Variants in BEND4 observed in about 807,000 individuals in gnomAD.
The protein encoded by BEND4 is BEN domain containing 4.
A neutral mutation model predicts 54.7 loss-of-function variants in BEND4; 27 were observed. The observed-to-expected ratio is 0.49, with a 90% CI of 0.36 to 0.68. BEND4 has a LOEUF of 0.68. Ranked by LOEUF, BEND4 falls within the 30% of genes least tolerant of loss-of-function variation. The pLI, the probability that BEND4 is intolerant of heterozygous loss-of-function variation, is 0.00. For synonymous variants in BEND4, 327 were observed against 299.5 expected, an observed-to-expected ratio of 1.09 and a Z score of -0.95; for missense variants, 702 against 697.2, an observed-to-expected ratio of 1.01 and a Z score of -0.08.
At position 42,125,560 on chromosome 4, in the gene BEND4, T is replaced by C. The variant is rs778166571; in HGVS notation, c.1146+23A>G. 3 of 1,567,418 alleles carry C rather than the reference T, an allele frequency of 1.9e-6. No individual in the cohort carries two copies. In the South Asian group the frequency reaches 3.3e-5, roughly 17 times the overall value. Reference sequence around the variant, plus strand: ...CTTAAGAGAATTCCAAATGGAACATTCACCTTTTTACCAGAGACCTACCTC... The same window carrying C: ...CTTAAGAGAATTCCAAATGGAACATCCACCTTTTTACCAGAGACCTACCTC... On this transcript the variant is annotated intron_variant, in intron 4 of 5. Transcript: ENST00000502486.
rs904750226 is a variant in BEND4, at chr4:42,143,465, T to C, written c.1017A>G (p.Glu339=). 6.4e-7 allele frequency: 1 copy of C among 1,552,244 alleles called. No homozygotes were observed. The highest frequency in any genetic ancestry group is 8.7e-7 in the Non-Finnish European group (1 of 1,147,118). ...LEQEVISLQQ[E]NEELRRKLES... ...CTAATTTCCTTCTGAGCTCTTCATT[T>C]TCTTGTTGCAGTGAAATAACCTCCT... The change falls in exon 3 of 6, where the codon GAA becomes GAG. Residue 339 remains glutamate, a synonymous_variant. Transcript: ENST00000502486.
rs1302239028 is a variant in BEND4 at position 42,117,599 on chromosome 4, G to T, written c.1524C>A (p.Gly508=). Residue 508 remains glycine, a synonymous_variant, in exon 6 of 6, where the codon GGC becomes GGA. Transcript: ENST00000502486. ...RAVGTFLHNG[G]SFYEGIDHQA... is the part of the protein sequence containing the mutation. ...GGTGATCGATCCCTTCATAAAATGA[G>T]CCACCGTTGTGCAGGAAAGTCCCCA... 6.2e-7 allele frequency: 1 copy of T among 1,613,312 alleles called. No homozygotes were observed. Among genetic ancestry groups the T allele is most frequent in the Non-Finnish European group, 8.5e-7 (1 of 1,179,656 alleles).
intron 2 of BEND4, among the ~76,000 whole-genome samples, chr4:42,147,139 A>G (rs1293590653): frequency 1.3e-5 from 2 of 152,224 alleles, no homozygotes; most frequent in Non-Finnish European, 2.9e-5. Flanking sequence ...TTCAGAAATG[A>G]TATGTACAAA....
chr4:42,138,397 G>T (rs566722598), intron 3 of BEND4, among the ~76,000 whole-genome samples: 1 of 152,276 alleles, frequency 6.6e-6, no homozygotes, highest in South Asian at 2.1e-4. Context: ...CAGAGCTAGA[G>T]AACAAAATAG....
At position 42,116,087 on chromosome 4, in the gene BEND4, G is replaced by A. The variant is rs1719817048; in HGVS notation, c.*1431C>T. 1 of 152,186 alleles carries A rather than the reference G, an allele frequency of 6.6e-6. No homozygotes were observed. The highest frequency in any genetic ancestry group is 2.1e-4 in the South Asian group (1 of 4,828). The allele number at this position is 152,186 out of a possible 1,614,324, so 9.4% of individuals were successfully genotyped here. On this transcript the variant is annotated 3_prime_UTR_variant, in exon 6 of 6. Coordinates refer to ENST00000502486, the MANE Select transcript of BEND4 (RefSeq NM_207406.4). The stretch of plus-strand genomic sequence containing the variant: ...ATTAAATCTAAAGGACAATTTATGA[G>A]TTTATGTTGACAAAAATAGCCCAAA...
intron 3 of BEND4, among the ~76,000 whole-genome samples, chr4:42,140,385 T>A (rs555904666): frequency 1.3e-5 from 2 of 152,366 alleles, no homozygotes; most frequent in Non-Finnish European, 2.9e-5. Flanking sequence ...TTTTCATCCA[T>A]ATTGTTGGAT....
rs572305857 is a variant in BEND4, at chr4:42,148,845, G to T, written c.487+2812C>A. ...AGGCTGCATATCAAGATCTACGTGGGTTTTAACTCTAAGCCTCCCACAGAG... is the reference window on the plus strand; with the variant it reads ...AGGCTGCATATCAAGATCTACGTGGTTTTTAACTCTAAGCCTCCCACAGAG... On this transcript the variant is annotated intron_variant, in intron 2 of 5. Coordinates refer to ENST00000502486, the MANE Select transcript of BEND4 (RefSeq NM_207406.4). Among the ~76,000 whole-genome samples the T allele has an allele frequency of 2.6e-5, 4 of 152,236 alleles. No individual in the cohort carries two copies. The East Asian group carries it at 5.8e-4, about 22-fold the overall frequency.
chr4:42,117,451 A>T lies in BEND4; in HGVS notation c.*67T>A. ...GACAGGCTTTGGACTCTCAGGTGAC[A>T]GGAACAGGACATTCACAATTGGAAC... On this transcript the variant is annotated 3_prime_UTR_variant, in exon 6 of 6. Transcript: ENST00000502486. 2 of 1,132,966 alleles carry T rather than the reference A, an allele frequency of 1.8e-6. No homozygotes were observed. Among genetic ancestry groups the T allele is most frequent in the Non-Finnish European group, 2.6e-6 (2 of 779,508 alleles). The allele number at this position is 1,132,966 out of a possible 1,614,324, so 70.2% of individuals were successfully genotyped here.
At chr4:42,137,978 C>A (rs892226949) in intron 3 of BEND4, among the ~76,000 whole-genome samples, 2 of 152,122 alleles carry the variant, frequency 1.3e-5, no homozygotes, top group Non-Finnish European at 2.9e-5. Context: ...AAAGGAAACC[C>A]TTGTACACCA....
At chr4:42,132,992 G>T (rs1193712800) in intron 3 of BEND4, among the ~76,000 whole-genome samples, 1 of 152,148 alleles carries the variant, frequency 6.6e-6, no homozygotes, top group Non-Finnish European at 1.5e-5. Flanking sequence ...TCTCCTCTAT[G>T]TAACAAAATC....
At position 42,152,298 on chromosome 4, in the gene BEND4, C is replaced by A. The variant is rs1163496792; in HGVS notation, c.-155G>T. The A allele has an allele frequency of 4.2e-6, 3 of 713,878 alleles. No homozygotes were observed. Among genetic ancestry groups the A allele is most frequent in the African/African-American group, 3.7e-5 (2 of 53,910 alleles). 44.2% of individuals were successfully genotyped at this position (713,878 alleles called of 1,614,324 possible). ...CGTGGCCGCCGCCGCCGCCGCCTGT[C>A]GCTGAGGCTGGCATCGCCGAGCCCC... On this transcript the variant is annotated 5_prime_UTR_variant, in exon 2 of 6. Coordinates refer to ENST00000502486, the MANE Select transcript of BEND4 (RefSeq NM_207406.4).
intron 3 of BEND4, among the ~76,000 whole-genome samples, chr4:42,132,975 AT>A (rs953991436): frequency 2.6e-5 from 4 of 152,170 alleles, no homozygotes; most frequent in African/African-American, 9.7e-5. Flanking sequence ...GATATTTATA[AT>A]TTTTTTCTCC....
intron 2 of BEND4, among the ~76,000 whole-genome samples, chr4:42,145,888 T>C (rs970486608): frequency 1.3e-5 from 2 of 151,986 alleles, no homozygotes; most frequent in Non-Finnish European, 2.9e-5. Context: ...CCTTGAGAAA[T>C]AGTTACTGAA....
chr4:42,134,281 C>T (rs1183242978), intron 3 of BEND4, among the ~76,000 whole-genome samples: 1 of 152,200 alleles, frequency 6.6e-6, no homozygotes, highest in African/African-American at 2.4e-5. Context: ...TCAAAATACT[C>T]CACATACACT....
intron 3 of BEND4, among the ~76,000 whole-genome samples, chr4:42,128,732 G>A (rs945303950): frequency 3.3e-5 from 5 of 151,402 alleles, no homozygotes; most frequent in Admixed American, 1.3e-4. Flanking sequence ...CGTAATCCCA[G>A]CACTTTGGGA....
At chr4:42,125,366 G>A (rs1264844079) in intron 4 of BEND4, among the ~76,000 whole-genome samples, 1 of 152,212 alleles carries the variant, frequency 6.6e-6, no homozygotes, top group African/African-American at 2.4e-5. Context: ...ATTGTCATTA[G>A]CTCTGTCTTT....
chr4:42,142,464 A>AAAT (rs1553923279), intron 3 of BEND4, among the ~76,000 whole-genome samples: 5 of 121,218 alleles, frequency 4.1e-5, no homozygotes, highest in African/African-American at 1.7e-4. Flanking sequence ...TACTAAAAAA[A>AAAT]ATATATATAT....
chr4:42,145,308 G>A (rs1200733751), intron 2 of BEND4, among the ~76,000 whole-genome samples: 2 of 152,164 alleles, frequency 1.3e-5, no homozygotes, highest in East Asian at 1.9e-4. Flanking sequence ...ACGTTCCACT[G>A]TGTTCTTTTT....
intron 3 of BEND4, among the ~76,000 whole-genome samples, chr4:42,136,481 G>A: frequency 6.6e-6 from 1 of 152,174 alleles, no homozygotes; most frequent in East Asian, 1.9e-4. Flanking sequence ...TTACCAAAAT[G>A]TATTTGTAAC....
Sources: gnomAD v4.1 joint callset for allele counts (sites outside exome capture counted in the v4.1 genomes callset) on GRCh38, gnomAD v4.1.1 for gene constraint, MANE v1.5 for transcripts, NCBI Gene and HGNC (gene_info 2026-07-23, HGNC 2026-07-21) for gene names.